The following HS6ST2 variants were observed in gnomAD, a reference collection of about 807,000 sequenced individuals.
HS6ST2 encodes the protein heparan-sulfate 6-O-sulfotransferase 2.
A neutral mutation model predicts 33.0 loss-of-function variants in HS6ST2; 17 were observed. That is an observed-to-expected ratio of 0.52 (90% CI 0.35 to 0.77). The LOEUF (loss-of-function observed/expected upper bound fraction) is 0.77. HS6ST2 is among the 30% of genes least tolerant of loss of function. The pLI is 0.01. For synonymous variants in HS6ST2, 248 were observed against 237.1 expected (o/e 1.05, Z -0.42); for missense variants, 519 against 551.7 (o/e 0.94, Z 0.59).
At chrX:132,735,954 C>G (rs1237220329) in intron 2 of HS6ST2, among the ~76,000 whole-genome samples, 1 of 111,374 alleles carries the variant, frequency 9.0e-6, no homozygotes, top group Non-Finnish European at 1.9e-5. Flanking sequence ...ATTGTCCTGC[C>G]TCAGCCTCCT....
Position 132,899,361 on chromosome X carries a change from A to G in HS6ST2, c.947+57447T>C, listed in dbSNP as rs2066407105. ...TAGACTTAACATATAAGGACATTAA[A>G]ATATAGTCATTATATATATGCTCCC... On this transcript the variant is annotated intron_variant, in intron 2 of 4. Transcript: ENST00000370833. 2.7e-5 allele frequency among the ~76,000 whole-genome samples: 3 copies of G among 111,821 alleles called. No individual in the cohort carries two copies. In the Admixed American group the frequency reaches 2.9e-4, roughly 11 times the overall value.
At chrX:132,901,072 G>C (rs779409477) in intron 2 of HS6ST2, among the ~76,000 whole-genome samples, 4 of 111,999 alleles carry the variant, frequency 3.6e-5, no homozygotes, top group African/African-American at 1.3e-4. Context: ...GAGGCCTTCA[G>C]TCCAACAGAC....
chrX:132,862,709 T>C (rs2065924281), intron 2 of HS6ST2, among the ~76,000 whole-genome samples: 1 of 112,370 alleles, frequency 8.9e-6, no homozygotes, highest in Non-Finnish European at 1.9e-5. Flanking sequence ...GCTAGTATTA[T>C]AAAACATTTC....
intron 2 of HS6ST2, among the ~76,000 whole-genome samples, chrX:132,887,105 G>C (rs1290398803): frequency 9.1e-6 from 1 of 109,844 alleles, no homozygotes; most frequent in Non-Finnish European, 1.9e-5. Flanking sequence ...CTGCACTCCA[G>C]CCTTGGTGAC....
At chrX:132,885,735 T>C (rs2066244066) in intron 2 of HS6ST2, among the ~76,000 whole-genome samples, 1 of 111,524 alleles carries the variant, frequency 9.0e-6, no homozygotes, top group Non-Finnish European at 1.9e-5. Context: ...TGGCACAAGA[T>C]GTTTGGTCAC....
intron 2 of HS6ST2, among the ~76,000 whole-genome samples, chrX:132,871,900 G>A (rs768295970): frequency 3.3e-4 from 37 of 111,179 alleles, no homozygotes; most frequent in Middle Eastern, 9.2e-3. Flanking sequence ...TGAACGTTCC[G>A]CACATGTATC....
chrX:132,856,961 C>G (rs1003840789), intron 2 of HS6ST2, among the ~76,000 whole-genome samples: 9 of 111,875 alleles, frequency 8.0e-5, no homozygotes, highest in African/African-American at 3.2e-5. Flanking sequence ...AAGGCTATAA[C>G]TCTGGGGGAT....
intron 3 of HS6ST2, among the ~76,000 whole-genome samples, chrX:132,693,106 C>G (rs184546736): frequency 9.0e-4 from 101 of 112,280 alleles, no homozygotes; most frequent in African/African-American, 2.8e-3. Flanking sequence ...CATTTTCCCT[C>G]CCACATAGGT....
In HS6ST2 at chrX:132,868,214, A is replaced by C. The variant is rs764574893; in HGVS notation, c.947+88594T>G. On this transcript the variant is annotated intron_variant, in intron 2 of 4. Coordinates refer to ENST00000370833, the MANE Select transcript of HS6ST2 (RefSeq NM_001394073.1). ...GGCATTACATAATGATAAAGGGATC[A>C]ATGCAACAAGAAGAGCTAACTATCC... Among the ~76,000 whole-genome samples the C allele has an allele frequency of 5.4e-4, 61 of 112,457 alleles. 2 individuals carry two copies. Among genetic ancestry groups the C allele is most frequent in the South Asian group, 7.4e-4 (2 of 2,694 alleles).
At chrX:132,656,902 C>T (rs1268330715) in intron 4 of HS6ST2, among the ~76,000 whole-genome samples, 1 of 111,489 alleles carries the variant, frequency 9.0e-6, no homozygotes, top group East Asian at 2.8e-4. Flanking sequence ...AGAACATAGA[C>T]TGAAAACCAC....
intron 2 of HS6ST2, among the ~76,000 whole-genome samples, chrX:132,883,404 T>C (rs1341776077): frequency 9.0e-6 from 1 of 111,339 alleles, no homozygotes; most frequent in East Asian, 2.9e-4. Flanking sequence ...AGATTTTTGG[T>C]TTATTTGTGT....
At chrX:132,960,888 C>T (rs1369699803), upstream of HS6ST2, among the ~76,000 whole-genome samples, 2 of 111,384 alleles carry the variant, frequency 1.8e-5, no homozygotes, top group Non-Finnish European at 3.8e-5. Flanking sequence ...GTCCCACAAA[C>T]CTCAGAAGAT....
chrX:132,865,818 T>C (rs1462134583), intron 2 of HS6ST2, among the ~76,000 whole-genome samples: 5 of 111,565 alleles, frequency 4.5e-5, no homozygotes, highest in Non-Finnish European at 7.6e-5. Context: ...CACTTTTTGA[T>C]GGGGTTGTTT....
chrX:132,782,951 A>G (rs2065028400), intron 2 of HS6ST2, among the ~76,000 whole-genome samples: 1 of 111,861 alleles, frequency 8.9e-6, no homozygotes, highest in African/African-American at 3.2e-5. Flanking sequence ...GAAACTATGG[A>G]GAAAGCAAAT....
intron 2 of HS6ST2, among the ~76,000 whole-genome samples, chrX:132,736,534 A>G (rs1212040741): frequency 8.9e-6 from 1 of 111,928 alleles, no homozygotes; most frequent in African/African-American, 3.3e-5. Context: ...TGTAAGTTTC[A>G]GGGTCTCTGC....
intron 2 of HS6ST2, among the ~76,000 whole-genome samples, chrX:132,916,205 GCTAA>G (rs2066588539): frequency 9.0e-6 from 1 of 111,614 alleles, no homozygotes; most frequent in Admixed American, 9.5e-5. Context: ...CAGCCCTGCT[GCTAA>G]CTATCTGTAT....
chrX:132,642,280 GA>G (rs2063606960), intron 4 of HS6ST2, among the ~76,000 whole-genome samples: 1 of 111,486 alleles, frequency 9.0e-6, no homozygotes, highest in Admixed American at 9.5e-5. Context: ...ACCTAGTCAG[GA>G]AAAATGCCTG....
chrX:132,792,716 GC>G (rs1263191217), intron 2 of HS6ST2, among the ~76,000 whole-genome samples: 3 of 111,316 alleles, frequency 2.7e-5, no homozygotes, highest in Non-Finnish European at 5.6e-5. Context: ...CTATGGATTT[GC>G]TTATTCTAAT....
At chrX:132,764,858 A>T (rs753598971) in intron 2 of HS6ST2, among the ~76,000 whole-genome samples, 1 of 111,850 alleles carries the variant, frequency 8.9e-6, no homozygotes, top group African/African-American at 3.2e-5. Context: ...TCAATTCTAC[A>T]TTTTTGGACA....
Sources: allele counts gnomAD v4.1 joint callset (sites outside exome capture counted in the v4.1 genomes callset), GRCh38; gene constraint gnomAD v4.1.1; transcripts MANE v1.5; gene names NCBI Gene and HGNC (gene_info 2026-07-23, HGNC 2026-07-21).